The following GRAMD4 variants were observed in gnomAD, a reference collection of about 807,000 sequenced individuals.
GRAMD4 encodes GRAM domain containing 4, also known as GRAM domain-containing protein 4.
GRAMD4 carries 25 observed loss-of-function variants against 83.9 expected under a neutral mutation model. The observed-to-expected ratio is 0.30, with a 90% CI of 0.22 to 0.42. GRAMD4 has a LOEUF of 0.42. Ranked by LOEUF, GRAMD4 falls within the 10% of genes least tolerant of loss-of-function variation. GRAMD4 has a pLI of 1.00. For synonymous variants in GRAMD4, 336 were observed against 320.9 expected, an observed-to-expected ratio of 1.05 and a Z score of -0.50; for missense variants, 593 against 788.7, an observed-to-expected ratio of 0.75 and a Z score of 2.97.
At chr22:46,588,821 A>AGGCTG (rs58705664) in intron 1 of GRAMD4, among the ~76,000 whole-genome samples, 1 of 151,642 alleles carries the variant, frequency 6.6e-6, no homozygotes, top group Non-Finnish European at 1.5e-5. Flanking sequence ...GATGTGGCCC[A>AGGCTG]GGCTGGGCTG....
chr22:46,668,621 T>C, intron 11 of GRAMD4, 68 bp from the exon 12 acceptor site: 1 of 1,450,238 alleles, frequency 6.9e-7, no homozygotes. Context: ...GAGGCCCTCC[T>C]GGCGTCGCGG....
At chr22:46,643,111 C>CCATG (rs1569283726) in intron 3 of GRAMD4, among the ~76,000 whole-genome samples, 23 of 150,472 alleles carry the variant, frequency 1.5e-4, no homozygotes, top group Admixed American at 2.6e-4. Flanking sequence ...ATCCATCCAT[C>CCATG]CATCCATCCA....
chr22:46,662,634 C>T (rs2082345615), intron 5 of GRAMD4, among the ~76,000 whole-genome samples: 1 of 152,172 alleles, frequency 6.6e-6, no homozygotes, highest in Admixed American at 6.5e-5. Context: ...AGTGACCTCT[C>T]CATCTGCTTT....
chr22:46,577,182 C>T (rs2081049971), exon 1 of GRAMD4: 2 of 664,614 alleles, frequency 3.0e-6, no homozygotes, highest in Non-Finnish European at 3.7e-6. Context: ...CTCCCGGCTC[C>T]CCGGCGCCGC....
At chr22:46,639,184 G>A (rs1216983799) in intron 3 of GRAMD4, among the ~76,000 whole-genome samples, 4 of 149,408 alleles carry the variant, frequency 2.7e-5, no homozygotes, top group Non-Finnish European at 5.9e-5. Context: ...GTGTGTGTAT[G>A]TACAGTGGTG....
intron 2 of GRAMD4, among the ~76,000 whole-genome samples, chr22:46,630,899 CGCAG>C (rs1569273694): frequency 4.5e-5 from 4 of 88,518 alleles, no homozygotes; most frequent in African/African-American, 1.3e-4. Flanking sequence ...CCCCGGCCTC[CGCAG>C]TGTGCCCTCC....
rs185393442 is a variant in GRAMD4 at position 46,592,129 on chromosome 22, G to A, written c.-50+14839G>A. ...TGACGCCCAGCTCAGCAGGGCCACC[G>A]GGGCTCAGGTTAGGTGGTGCCATAG... On this transcript the variant is annotated intron_variant, in intron 1 of 1. Transcript: ENST00000431155. 1.8e-3 allele frequency among the ~76,000 whole-genome samples: 280 copies of A among 152,270 alleles called. 1 individual carries two copies. The highest frequency in any genetic ancestry group is 3.1e-3 in the Non-Finnish European group (210 of 68,034).
At chr22:46,619,082 A>G (rs1380501040), upstream of GRAMD4, among the ~76,000 whole-genome samples, 2 of 152,206 alleles carry the variant, frequency 1.3e-5, no homozygotes, top group African/African-American at 4.8e-5. Flanking sequence ...GCCTGAATCC[A>G]GGGAGGGGAT....
rs890956705 is a variant in GRAMD4 at position 46,672,471 on chromosome 22, G to A, written c.1085-372G>A. The stretch of plus-strand genomic sequence containing the variant: ...TTTGGTGTCAGGTGTGGGGAATTGG[G>A]GCAGAGGAGGCACAGTCCTGAAGTG... On this transcript the variant is annotated intron_variant, in intron 13 of 18. Coordinates refer to ENST00000406902, the MANE Select transcript of GRAMD4 (RefSeq NM_015124.5). The surrounding 1 kb of genome is among the most constrained non-coding windows in gnomAD (Gnocchi z 4.7). Among the ~76,000 whole-genome samples, 11 of 152,078 alleles carry A rather than the reference G, an allele frequency of 7.2e-5. No homozygotes were observed. The highest frequency in any genetic ancestry group is 2.7e-4 in the African/African-American group (11 of 41,464).
intron 11 of GRAMD4, 47 bp downstream of exon 11, chr22:46,668,214 G>T: frequency 7.4e-7 from 1 of 1,357,096 alleles, no homozygotes; most frequent in Non-Finnish European, 1.1e-6. Context: ...CCAGCCATGG[G>T]CACCAGCCAG....
chr22:46,627,153 C>T (rs2081676454), intron 2 of GRAMD4, among the ~76,000 whole-genome samples, 192 bp downstream of exon 2: 1 of 152,224 alleles, frequency 6.6e-6, no homozygotes, highest in Non-Finnish European at 1.5e-5. Flanking sequence ...CACGCCGAGC[C>T]TTCTGTGTTC....
intron 1 of GRAMD4, among the ~76,000 whole-genome samples, chr22:46,589,926 C>T (rs2081190046): frequency 6.6e-6 from 1 of 152,224 alleles, no homozygotes. Flanking sequence ...TTCTCCCTAC[C>T]CCTTCAGCCA....
chr22:46,600,472 T>G (rs1454365954), intron 1 of GRAMD4, among the ~76,000 whole-genome samples: 8 of 152,190 alleles, frequency 5.3e-5, no homozygotes, highest in African/African-American at 9.7e-5. Flanking sequence ...ATTCCCGTGA[T>G]GAGGCAGAGC....
chr22:46,630,316 G>A lies in GRAMD4; in HGVS notation c.162+3355G>A, dbSNP rs1047022368. On this transcript the variant is annotated intron_variant, in intron 2 of 18. Transcript: ENST00000406902. ...GCTGGGATTACAGACGTGAGCCACC[G>A]CGCCCGACCTGTTGTCTTTATTCAT... 9.8e-5 allele frequency among the ~76,000 whole-genome samples: 15 copies of A among 152,286 alleles called. No homozygotes were observed. The East Asian group carries it at 1.2e-3, about 12-fold the overall frequency.
chr22:46,632,849 C>T (rs1026549356), intron 2 of GRAMD4, among the ~76,000 whole-genome samples: 3 of 152,218 alleles, frequency 2.0e-5, no homozygotes, highest in Admixed American at 6.5e-5. Flanking sequence ...ACCCGCACGA[C>T]GCTGCCTGTG....
chr22:46,661,468 G>A (rs777546078), intron 5 of GRAMD4, 26 bp downstream of exon 5: 1 of 1,561,272 alleles, frequency 6.4e-7, no homozygotes, highest in East Asian at 2.2e-5. Context: ...CGGGTGGACA[G>A]GCAGGCGGGC....
In GRAMD4 at chr22:46,637,699, G is replaced by A. The variant is rs376656109; in HGVS notation, c.163-141G>A. On this transcript the variant is annotated intron_variant, in intron 2 of 18. Transcript: ENST00000406902. ...CATCTGACTGCTGCGTCGTCCCCAT[G>A]TCCAGAAACTGCAGCTGCTGGTCCC... 1.4e-4 allele frequency: 109 copies of A among 805,004 alleles called. No individual in the cohort carries two copies. The African/African-American group carries it at 1.7e-3, about 12-fold the overall frequency. 49.9% of individuals were successfully genotyped at this position (805,004 alleles called of 1,614,324 possible). A position where few individuals can be genotyped will look rare whatever the true frequency, so the allele number is the denominator to read the frequency against.
chr22:46,581,586 A>G (rs1186574704), intron 1 of GRAMD4, among the ~76,000 whole-genome samples: 9 of 152,252 alleles, frequency 5.9e-5, no homozygotes, highest in African/African-American at 2.2e-4. Context: ...TTGCTGTCAA[A>G]TGTGCAGTAA....
intron 1 of GRAMD4, among the ~76,000 whole-genome samples, chr22:46,608,977 G>A (rs1051956036): frequency 1.3e-5 from 2 of 151,922 alleles, no homozygotes; most frequent in East Asian, 1.9e-4. Context: ...GCTGAGTTGC[G>A]AGGATCACTG....
Sources: gnomAD v4.1 joint callset for allele counts (sites outside exome capture counted in the v4.1 genomes callset) on GRCh38, gnomAD v4.1.1 for gene constraint, Gnocchi (gnomAD v3.1) non-coding constraint, MANE v1.5 for transcripts, NCBI Gene and HGNC (gene_info 2026-07-23, HGNC 2026-07-21) for gene names.